The following FRY variants were observed in gnomAD, a reference collection of about 807,000 sequenced individuals.
FRY encodes protein furry homolog.
A neutral mutation model predicts 348.4 loss-of-function variants in FRY; 128 were observed. That is an observed-to-expected ratio of 0.37 (90% CI 0.32 to 0.43). The LOEUF is 0.43. Ranked by LOEUF, FRY falls within the 20% of genes least tolerant of loss-of-function variation. The probability of loss-of-function intolerance (pLI) is 1.00; values close to 1 mark genes in which losing one functional copy is unlikely to be tolerated. For missense variants in FRY, 2,736 were observed against 3,695.2 expected (o/e 0.74, Z 6.73); for synonymous variants, 1,370 against 1,374.7 (o/e 1.00, Z 0.08).
At chr13:32,119,213 G>C (rs552171273) in intron 4 of FRY, among the ~76,000 whole-genome samples, 1 of 152,156 alleles carries the variant, frequency 6.6e-6, no homozygotes, top group Admixed American at 6.6e-5. Context: ...GCTCTCTAGG[G>C]TATGGTGTAG....
chr13:32,246,767 G>A (rs1236871273), intron 47 of FRY, among the ~76,000 whole-genome samples: 1 of 152,186 alleles, frequency 6.6e-6, no homozygotes. Context: ...GGAATGCCGT[G>A]GAGGGAACAG....
chr13:32,097,916 T>C (rs552492002), intron 2 of FRY, among the ~76,000 whole-genome samples: 2 of 152,172 alleles, frequency 1.3e-5, no homozygotes, highest in Admixed American at 6.5e-5. Flanking sequence ...TCTTCTGCTA[T>C]GTATATTTTA....
chr13:32,170,929 C>T (rs1882021183), intron 17 of FRY, 83 bp from the exon 18 acceptor site: 2 of 1,001,584 alleles, frequency 2.0e-6, no homozygotes, highest in South Asian at 1.3e-5. Context: ...AAGAGATATA[C>T]ATTAATATCT....
rs183906803 is a variant in FRY at position 32,171,002 on chromosome 13, C to T, written c.1893-10C>T. The T allele has an allele frequency of 5.3e-5, 84 of 1,588,260 alleles. No individual in the cohort carries two copies. In the African/African-American group the frequency reaches 8.6e-4, roughly 16 times the overall value. ...GTAAATGATTTTATTTTCCTTTATT[C>T]GTTTCACAGGCTCTCTATTCATATG... On this transcript the variant is annotated splice_polypyrimidine_tract_variant and intron_variant, in intron 17 of 60. Transcript: ENST00000542859.
Position 32,187,806 on chromosome 13 carries a change from T to A in FRY, c.3591+150T>A. On this transcript the variant is annotated intron_variant, in intron 28 of 60. Transcript: ENST00000542859. ...ATGTGTTGTTTGCTTTACGCTATGA[T>A]ACATCAAGATAAAAAAGATAGTAAC... The A allele has an allele frequency of 4.6e-6, 3 of 645,316 alleles. No individual in the cohort carries two copies. In the East Asian group the frequency reaches 8.4e-5, roughly 18 times the overall value. The allele number at this position is 645,316 out of a possible 1,614,324, so 40.0% of individuals were successfully genotyped here.
At chr13:32,066,664 T>C (rs1874277260) in intron 1 of FRY, among the ~76,000 whole-genome samples, 1 of 152,192 alleles carries the variant, frequency 6.6e-6, no homozygotes, top group Non-Finnish European at 1.5e-5. Context: ...CTTCTCATGG[T>C]AGGTGCAGTC....
chr13:32,145,560 C>T (rs1326404644), intron 11 of FRY, among the ~76,000 whole-genome samples: 2 of 111,542 alleles, frequency 1.8e-5, no homozygotes, highest in South Asian at 3.1e-4. Flanking sequence ...TTTTTTGAGA[C>T]GGAGTCTCGC....
At chr13:32,281,179 C>T (rs1888790859) in intron 58 of FRY, among the ~76,000 whole-genome samples, 1 of 152,130 alleles carries the variant, frequency 6.6e-6, no homozygotes, top group African/African-American at 2.4e-5. Context: ...ACTATAAAGG[C>T]TTGAGAGTAC....
intron 1 of FRY, among the ~76,000 whole-genome samples, chr13:32,065,253 T>C (rs553772280): frequency 1.3e-5 from 2 of 152,182 alleles, no homozygotes; most frequent in African/African-American, 4.8e-5. Flanking sequence ...TCTACAGTTA[T>C]CAAGATTTAG....
chr13:32,223,506 G>A (rs997463825), intron 36 of FRY, among the ~76,000 whole-genome samples: 6 of 151,964 alleles, frequency 3.9e-5, no homozygotes, highest in Admixed American at 3.3e-4. Flanking sequence ...TTCTGGCCAG[G>A]CACTCACACC....
At chr13:32,171,375 G>C (rs1292174755) in intron 18 of FRY, 105 bp downstream of exon 18, 1 of 941,452 alleles carries the variant, frequency 1.1e-6, no homozygotes, top group East Asian at 2.7e-5. Context: ...GCAGTGGCGC[G>C]ATCTTGACTC....
chr13:32,210,037 T>G (rs1399098727), intron 33 of FRY, among the ~76,000 whole-genome samples: 1 of 152,222 alleles, frequency 6.6e-6, no homozygotes, highest in African/African-American at 2.4e-5. Flanking sequence ...ACATTGGACC[T>G]ACTATGTAAG....
At chr13:32,245,009 G>A (rs949249854) in intron 47 of FRY, among the ~76,000 whole-genome samples, 3 of 152,088 alleles carry the variant, frequency 2.0e-5, no homozygotes, top group Admixed American at 6.5e-5. Flanking sequence ...GAGTGCAGTG[G>A]CACAATCTCG....
At chr13:32,203,888 CT>C (rs1884193466) in intron 31 of FRY, among the ~76,000 whole-genome samples, 1 of 152,216 alleles carries the variant, frequency 6.6e-6, no homozygotes, top group African/African-American at 2.4e-5. Context: ...TCTGCATTAC[CT>C]AACTACAGTT....
chr13:32,295,539 C>A lies in FRY; in HGVS notation c.*79C>A. On this transcript the variant is annotated 3_prime_UTR_variant, in exon 61 of 61. Coordinates refer to ENST00000542859, the MANE Select transcript of FRY (RefSeq NM_023037.3). Reference sequence around the variant, plus strand: ...GCAACGTCATTCAGTGTCTTCTCGGCCTTCAAAAGGCTTGGACAGACTGTT... The same window carrying A: ...GCAACGTCATTCAGTGTCTTCTCGGACTTCAAAAGGCTTGGACAGACTGTT... The A allele has an allele frequency of 7.3e-7, 1 of 1,373,268 alleles. No homozygotes were observed. Among genetic ancestry groups the A allele is most frequent in the Non-Finnish European group, 1.0e-6 (1 of 972,716 alleles). 85.1% of individuals were successfully genotyped at this position (1,373,268 alleles called of 1,614,324 possible). A position where few individuals can be genotyped will look rare whatever the true frequency, so the allele number is the denominator to read the frequency against.
chr13:32,200,235 G>A (rs981498848), intron 29 of FRY, among the ~76,000 whole-genome samples: 3 of 152,028 alleles, frequency 2.0e-5, no homozygotes, highest in Non-Finnish European at 4.4e-5. Context: ...GTTCTGGTGG[G>A]GCAAACATTC....
intron 14 of FRY, among the ~76,000 whole-genome samples, chr13:32,151,997 T>C (rs1880822875): frequency 6.6e-6 from 1 of 152,138 alleles, no homozygotes; most frequent in South Asian, 2.1e-4. Flanking sequence ...CAATTAGAAA[T>C]TGAACAATTT....
At chr13:32,115,734 T>C (rs958856669) in intron 3 of FRY, among the ~76,000 whole-genome samples, 24 of 151,982 alleles carry the variant, frequency 1.6e-4, no homozygotes, top group African/African-American at 5.6e-4. Context: ...TTCTACCCTT[T>C]CTAAAATAGT....
At position 32,175,551 on chromosome 13, in the gene FRY, C is replaced by T. The variant is rs377356875; in HGVS notation, c.2340C>T (p.Asp780=). 1.2e-5 allele frequency: 19 copies of T among 1,605,738 alleles called. No homozygotes were observed. Among genetic ancestry groups the T allele is most frequent in the East Asian group, 4.5e-5 (2 of 44,832 alleles). Residue 780 remains aspartate (D), a synonymous_variant, in exon 20 of 61, where the codon GAC becomes GAT. Transcript: ENST00000542859. ...LFIALGQPED[D]DRPMIDVMDQ... Reference sequence around the variant, plus strand: ...ATCGCCTCCCCTTTGTACAGGATGACGACAGGCCGATGATTGATGTCATGG... The same window carrying T: ...ATCGCCTCCCCTTTGTACAGGATGATGACAGGCCGATGATTGATGTCATGG...
Sources: gnomAD v4.1 joint callset for allele counts (sites outside exome capture counted in the v4.1 genomes callset) on GRCh38, gnomAD v4.1.1 for gene constraint, MANE v1.5 for transcripts, NCBI Gene and HGNC (gene_info 2026-07-23, HGNC 2026-07-21) for gene names.